Variants in SCFD1 observed in about 807,000 individuals in gnomAD.
SCFD1 encodes the protein sec1 family domain containing 1.
Under a neutral mutation model 103.2 loss-of-function variants are expected in SCFD1, and 37 were observed. The observed-to-expected ratio is 0.36, with a 90% confidence interval of 0.28 to 0.47. The LOEUF is 0.47. Among genes scored for constraint, SCFD1 ranks in the 20% least tolerant of loss-of-function variants. SCFD1 has a pLI of 1.00. For synonymous variants in SCFD1, 264 were observed against 245.0 expected (o/e 1.08, Z -0.73); for missense variants, 639 against 761.2 (o/e 0.84, Z 1.89).
rs532511718 is a variant in SCFD1, at chr14:30,683,514, C to T, written c.1242+8449C>T. The T allele has an allele frequency of 9.6e-5, 29 of 300,682 alleles. 1 individual carries two copies. The highest frequency in any genetic ancestry group is 1.8e-4 in the Non-Finnish European group (28 of 155,376). 18.6% of individuals were successfully genotyped at this position (300,682 alleles called of 1,614,324 possible). ...GCTCCTGTTGTTTTGCCCATGGGAC[C>T]CCCAGCGGCACCCCAGCTTGGCTCT... On this transcript the variant is annotated intron_variant, in intron 14 of 24. Coordinates refer to ENST00000458591, the MANE Select transcript of SCFD1 (RefSeq NM_016106.4).
chr14:30,670,412 T>G lies in SCFD1; in HGVS notation c.995+17T>G, dbSNP rs1222865129. 1.3e-6 allele frequency: 2 copies of G among 1,497,680 alleles called. No individual in the cohort carries two copies. The highest frequency in any genetic ancestry group is 4.5e-5 in the Admixed American group (2 of 44,048). The allele number at this position is 1,497,680 out of a possible 1,614,324, so 92.8% of individuals were successfully genotyped here. ...TAAAGGAAGGTAAGCAAAATATCAA[T>G]AAGTAAAAGATTCATTTTTTTAAAG... On this transcript the variant is annotated intron_variant, in intron 11 of 24. Coordinates refer to ENST00000458591, the MANE Select transcript of SCFD1 (RefSeq NM_016106.4).
At position 30,722,533 on chromosome 14, in the gene SCFD1, T is replaced by C. The variant is rs907484753; in HGVS notation, c.1810T>C (p.Tyr604His). 13 of 1,604,440 alleles carry C rather than the reference T, an allele frequency of 8.1e-6. No individual in the cohort carries two copies. Among genetic ancestry groups the C allele is most frequent in the Non-Finnish European group, 1.1e-5 (13 of 1,174,674 alleles). The change falls in exon 23 of 25, where the codon TAT becomes CAT. Residue 604 changes from tyrosine to histidine, a missense_variant. By Grantham distance (83) the Tyr-to-His change is moderately conservative. Coordinates refer to ENST00000458591, the MANE Select transcript of SCFD1 (RefSeq NM_016106.4). ...GGTGGGAGGAGGCAACTACATTGAA[T>C]ATCAGAATCTTGTTGACTACATAAA... Reference protein sequence around the residue: ...FVVGGGNYIEYQNLVDYIKGK... With the variant: ...FVVGGGNYIEHQNLVDYIKGK...
intron 7 of SCFD1, among the ~76,000 whole-genome samples, chr14:30,644,583 C>T (rs1314833326): frequency 6.6e-6 from 1 of 152,114 alleles, no homozygotes; most frequent in Non-Finnish European, 1.5e-5. Context: ...TTTTGATTTG[C>T]ATTTCTCTAA....
At chr14:30,713,293 T>C (rs1892024917) in intron 19 of SCFD1, among the ~76,000 whole-genome samples, 1 of 152,200 alleles carries the variant, frequency 6.6e-6, no homozygotes, top group African/African-American at 2.4e-5. Context: ...TATGGGAGTA[T>C]GTGAATATTG....
At chr14:30,718,797 G>C (rs761956) in intron 20 of SCFD1, among the ~76,000 whole-genome samples, 40,714 of 152,080 alleles carry the variant, frequency 0.27, 5,942 homozygotes, top group East Asian at 0.63. Flanking sequence ...GGAGCAAAGT[G>C]TTGAAGGATC....
At chr14:30,712,685 C>T (rs73254558) in intron 19 of SCFD1, among the ~76,000 whole-genome samples, 5,481 of 152,092 alleles carry the variant, frequency 0.036, 152 homozygotes, top group African/African-American at 0.061. Flanking sequence ...AGATAAAGTT[C>T]CTAGTTCATG....
At chr14:30,698,882 C>T (rs1267266973) in intron 15 of SCFD1, among the ~76,000 whole-genome samples, 1 of 152,182 alleles carries the variant, frequency 6.6e-6, no homozygotes, top group East Asian at 1.9e-4. Context: ...TCCTAAACAG[C>T]ATTTCAAAGA....
Position 30,643,423 on chromosome 14 carries a change from T to C in SCFD1, c.613+18T>C, listed in dbSNP as rs1442846204. 6.1e-6 allele frequency: 9 copies of C among 1,478,502 alleles called. 1 individual carries two copies. The highest frequency in any genetic ancestry group is 1.7e-4 in the Middle Eastern group (1 of 5,830). 91.6% of individuals were successfully genotyped at this position (1,478,502 alleles called of 1,614,324 possible). ...TACTCTGGGTAAGTTTTCCAGTCTT[T>C]CTGGTTATTCTTCAAAGTAAATTAT... On this transcript the variant is annotated intron_variant, in intron 7 of 24. Coordinates refer to ENST00000458591, the MANE Select transcript of SCFD1 (RefSeq NM_016106.4).
intron 20 of SCFD1, among the ~76,000 whole-genome samples, chr14:30,717,174 G>A (rs565422483): frequency 6.6e-6 from 1 of 152,082 alleles, no homozygotes; most frequent in Non-Finnish European, 1.5e-5. Context: ...ATACACAGGG[G>A]GTTAAGAAAT....
At chr14:30,661,964 A>G (rs966557439) in intron 10 of SCFD1, among the ~76,000 whole-genome samples, 3 of 152,124 alleles carry the variant, frequency 2.0e-5, no homozygotes, top group Non-Finnish European at 4.4e-5. Flanking sequence ...TTAGAATTCT[A>G]TCTTCTGTTT....
rs528193153 is a variant in SCFD1, at chr14:30,722,532, A to G, written c.1809A>G (p.Glu603=). The G allele has an allele frequency of 6.2e-7, 1 of 1,604,588 alleles. No individual in the cohort carries two copies. Among genetic ancestry groups the G allele is most frequent in the South Asian group, 1.1e-5 (1 of 89,308 alleles). The change falls in exon 23 of 25, where the codon GAA becomes GAG. Residue 603 remains glutamate (E), a synonymous_variant. Coordinates refer to ENST00000458591, the MANE Select transcript of SCFD1 (RefSeq NM_016106.4). ...TGGTGGGAGGAGGCAACTACATTGA[A>G]TATCAGAATCTTGTTGACTACATAA... ...VFVVGGGNYI[E]YQNLVDYIKG...
At chr14:30,630,601 T>A (rs1388492727) in intron 3 of SCFD1, 36 bp downstream of exon 3, 1 of 1,201,744 alleles carries the variant, frequency 8.3e-7, no homozygotes, top group Non-Finnish European at 1.2e-6. Flanking sequence ...TGGTATTCAT[T>A]TAAAGAACAT....
intron 15 of SCFD1, among the ~76,000 whole-genome samples, chr14:30,697,191 AG>A (rs1419733556): frequency 1.3e-5 from 2 of 152,112 alleles, no homozygotes; most frequent in Non-Finnish European, 2.9e-5. Context: ...CTCCTTGGAG[AG>A]GTAGCTGATT....
intron 11 of SCFD1, among the ~76,000 whole-genome samples, chr14:30,670,741 C>T (rs948469802): frequency 1.6e-4 from 24 of 151,902 alleles, no homozygotes; most frequent in African/African-American, 5.6e-4. Context: ...GTGATTTTTT[C>T]CTTTTTGTTA....
chr14:30,643,623 G>A (rs3736773), intron 7 of SCFD1, among the ~76,000 whole-genome samples: 28,362 of 152,074 alleles, frequency 0.19, 3,112 homozygotes, highest in East Asian at 0.47. Context: ...TGTCATTTTA[G>A]ATGTCTTTGG....
rs201630250 is a variant in SCFD1, at chr14:30,721,872, T to C, written c.1737-12T>C. On this transcript the variant is annotated splice_polypyrimidine_tract_variant and intron_variant, in intron 21 of 24. Transcript: ENST00000458591. Reference sequence around the variant, plus strand: ...TGGGTGAAATTTTCATTACGGTTTTTCTTTATTACAGCTCAGTTCCCAGAA... The same window carrying C: ...TGGGTGAAATTTTCATTACGGTTTTCCTTTATTACAGCTCAGTTCCCAGAA... The C allele has an allele frequency of 6.2e-7, 1 of 1,605,780 alleles. No individual in the cohort carries two copies. The highest frequency in any genetic ancestry group is 8.5e-7 in the Non-Finnish European group (1 of 1,174,104).
chr14:30,626,578 ATTTTTGCTATATAAACCAC>A (rs1883475869), intron 1 of SCFD1, among the ~76,000 whole-genome samples: 1 of 152,036 alleles, frequency 6.6e-6, no homozygotes, highest in Admixed American at 6.5e-5. Context: ...TATAAACCAC[ATTTTTGCTATATAAACCAC>A]TTTTTGCATG....
chr14:30,700,927 CTAA>C (rs1891037203), intron 16 of SCFD1, among the ~76,000 whole-genome samples: 1 of 152,180 alleles, frequency 6.6e-6, no homozygotes, highest in Admixed American at 6.5e-5. Context: ...TGTTTTAAAA[CTAA>C]TGTCCAATGT....
chr14:30,630,633 G>A, intron 3 of SCFD1, 68 bp downstream of exon 3: 1 of 952,036 alleles, frequency 1.1e-6, no homozygotes, highest in African/African-American at 1.6e-5. Context: ...AATAGTGTTA[G>A]GTTACAGTAT....
Sources: allele counts gnomAD v4.1 joint callset (sites outside exome capture counted in the v4.1 genomes callset), GRCh38; gene constraint gnomAD v4.1.1; transcripts MANE v1.5; gene names NCBI Gene and HGNC (gene_info 2026-07-23, HGNC 2026-07-21).